The following FAM114A1 variants were observed in gnomAD, a reference collection of about 807,000 sequenced individuals.
The protein encoded by FAM114A1 is protein NOXP20.
In FAM114A1, 62 loss-of-function variants were observed where a neutral mutation model predicts 64.3. The ratio of observed to expected loss-of-function variants is 0.96; its 90% CI spans 0.79 to 1.19. The LOEUF (loss-of-function observed/expected upper bound fraction) is 1.19, where lower values mean the gene tolerates loss of function less well. FAM114A1 is among the 50% of genes most tolerant of loss of function. The pLI, the probability that FAM114A1 is intolerant of heterozygous loss-of-function variation, is 0.00. For missense variants in FAM114A1, 645 were observed against 676.3 expected, an observed-to-expected ratio of 0.95 and a Z score of 0.51; for synonymous variants, 254 against 251.1, an observed-to-expected ratio of 1.01 and a Z score of -0.11.
At chr4:38,874,051 A>G (rs1372405862) in intron 2 of FAM114A1, among the ~76,000 whole-genome samples, 1 of 152,228 alleles carries the variant, frequency 6.6e-6, no homozygotes, top group African/African-American at 2.4e-5. Context: ...CTCAATAAAG[A>G]GCCTCTAGGA....
intron 4 of FAM114A1, among the ~76,000 whole-genome samples, chr4:38,897,252 G>T (rs1351909914): frequency 6.6e-6 from 1 of 152,160 alleles, no homozygotes; most frequent in African/African-American, 2.4e-5. Flanking sequence ...AAACGTGGGT[G>T]AAAAAACTGG....
intron 13 of FAM114A1, 139 bp downstream of exon 13, chr4:38,935,929 G>T (rs1721045464): frequency 3.1e-6 from 2 of 647,692 alleles, no homozygotes; most frequent in Admixed American, 5.9e-5. Context: ...CAGGCCAAGA[G>T]TAACTTCTCT....
At chr4:38,908,840 A>C in intron 7 of FAM114A1, 114 bp downstream of exon 7, 1 of 1,096,596 alleles carries the variant, frequency 9.1e-7, no homozygotes, top group South Asian at 2.2e-5. Context: ...AATGACACCA[A>C]AGAGCAGAGA....
rs1721025597 is a variant in FAM114A1 at position 38,935,737 on chromosome 4, A to C, written c.1483A>C (p.Asn495His). 1.2e-6 allele frequency: 2 copies of C among 1,610,886 alleles called. No homozygotes were observed. Among genetic ancestry groups the C allele is most frequent in the Admixed American group, 3.3e-5 (2 of 59,834 alleles). The change falls in exon 13 of 15, where the codon AAT (asparagine) becomes CAT (histidine). Residue 495 changes from asparagine (N) to histidine (H), a missense_variant. Coordinates refer to ENST00000358869, the MANE Select transcript of FAM114A1 (RefSeq NM_138389.4). ...VLIKLTTAMC[N>H]EVASLSKKFT... ...TTTCAGATTAACTACTGCAATGTGC[A>C]ATGAAGTGGCCTCTTTATCAAAGAA...
In FAM114A1 at chr4:38,878,221, C is replaced by G; in HGVS notation, c.143C>G (p.Pro48Arg). The G allele has an allele frequency of 6.2e-7, 1 of 1,614,204 alleles. No individual in the cohort carries two copies. Among genetic ancestry groups the G allele is most frequent in the African/African-American group, 1.3e-5 (1 of 75,054 alleles). Residue 48 changes from proline (P) to arginine (R), a missense_variant, in exon 3 of 15, where the codon CCC (proline) becomes CGC (arginine). Transcript: ENST00000358869. The part of the protein sequence containing the change: ...AVSHEPTPAD[P>R]RGEGHENAAV... ...TCACATGAGCCAACACCAGCTGACC[C>G]CAGAGGGGAGGGGCATGAAAATGCA...
intron 3 of FAM114A1, among the ~76,000 whole-genome samples, chr4:38,889,707 A>G (rs767834810): frequency 3.2e-4 from 48 of 152,134 alleles, no homozygotes; most frequent in Non-Finnish European, 6.9e-4. Flanking sequence ...AACTTCCATA[A>G]CTCAGTCTCA....
At chr4:38,930,425 T>G (rs1029550598) in intron 10 of FAM114A1, among the ~76,000 whole-genome samples, 2 of 152,096 alleles carry the variant, frequency 1.3e-5, no homozygotes, top group African/African-American at 4.8e-5. Context: ...TTCTGGCAGG[T>G]CAGTGACTTG....
intron 3 of FAM114A1, among the ~76,000 whole-genome samples, chr4:38,887,322 C>A (rs1158271557): frequency 6.6e-6 from 1 of 152,226 alleles, no homozygotes; most frequent in Non-Finnish European, 1.5e-5. Context: ...ATCAAACAGT[C>A]ACTTTCAAGG....
In FAM114A1 at chr4:38,944,038, T is replaced by C. The variant is rs946789080; in HGVS notation, c.*481T>C. On this transcript the variant is annotated 3_prime_UTR_variant, in exon 15 of 15. Coordinates refer to ENST00000358869, the MANE Select transcript of FAM114A1 (RefSeq NM_138389.4). ...AACACTACTTATAGATTTTACCTAT[T>C]ATGGTAAAAAATAGGAACATATTGT... The C allele has an allele frequency of 2.6e-5, 4 of 152,214 alleles. No individual in the cohort carries two copies. Among genetic ancestry groups the C allele is most frequent in the African/African-American group, 9.7e-5 (4 of 41,298 alleles). 9.4% of individuals were successfully genotyped at this position (152,214 alleles called of 1,614,324 possible).
chr4:38,941,104 C>A, intron 14 of FAM114A1, 83 bp downstream of exon 14: 1 of 1,249,616 alleles, frequency 8.0e-7, no homozygotes, highest in East Asian at 2.4e-5. Context: ...TTTCTTCCCC[C>A]ACAGCAAATG....
At position 38,908,716 on chromosome 4, in the gene FAM114A1, C is replaced by G; in HGVS notation, c.782C>G (p.Ser261Cys). The part of the protein sequence containing the change: ...RTKTLMERTV[S>C]LSQMLREAKE... Reference sequence around the variant, plus strand: ...AAGACGCTCATGGAGAGAACTGTTTCCTTGTCTCAGGTTGGATTATATACG... The same window carrying G: ...AAGACGCTCATGGAGAGAACTGTTTGCTTGTCTCAGGTTGGATTATATACG... The change falls in exon 7 of 15, where the codon TCC becomes TGC. Residue 261 changes from serine (S) to cysteine (C), a missense_variant. By Grantham distance (112) the Ser-to-Cys change is moderately radical. Transcript: ENST00000358869. 4.4e-6 allele frequency: 7 copies of G among 1,601,332 alleles called. No homozygotes were observed. Among genetic ancestry groups the G allele is most frequent in the Non-Finnish European group, 6.0e-6 (7 of 1,170,666 alleles).
chr4:38,926,540 C>T (rs538565553), intron 9 of FAM114A1, among the ~76,000 whole-genome samples: 3 of 151,774 alleles, frequency 2.0e-5, no homozygotes, highest in African/African-American at 7.3e-5. Flanking sequence ...CTTCAACCTC[C>T]GCCCTCCCGG....
chr4:38,935,547 A>G (rs1220464494), intron 12 of FAM114A1, among the ~76,000 whole-genome samples, 171 bp from the exon 13 acceptor site: 1 of 152,252 alleles, frequency 6.6e-6, no homozygotes, highest in Non-Finnish European at 1.5e-5. Flanking sequence ...ATTGCGAATC[A>G]TGGAAGATGA....
intron 8 of FAM114A1, among the ~76,000 whole-genome samples, chr4:38,915,293 T>A (rs4240248): frequency 2.6e-5 from 4 of 151,740 alleles, no homozygotes; most frequent in Non-Finnish European, 5.9e-5. Context: ...CAAAAAGGCC[T>A]GCACAGTAAG....
rs754808360 is a variant in FAM114A1, at chr4:38,935,708, C to A, written c.1464-10C>A. On this transcript the variant is annotated splice_polypyrimidine_tract_variant and intron_variant, in intron 12 of 14. Coordinates refer to ENST00000358869, the MANE Select transcript of FAM114A1 (RefSeq NM_138389.4). ...AAAACATCCAAGCTTTTTTTTTTTT[C>A]TTCTTTCAGATTAACTACTGCAATG... The A allele has an allele frequency of 6.7e-7, 1 of 1,488,688 alleles. No individual in the cohort carries two copies. Among genetic ancestry groups the A allele is most frequent in the East Asian group, 2.4e-5 (1 of 41,734 alleles). 92.2% of individuals were successfully genotyped at this position (1,488,688 alleles called of 1,614,324 possible).
rs1717924040 is a variant in FAM114A1, at chr4:38,905,640, G to A, written c.550+5G>A. 2 of 1,612,992 alleles carry A rather than the reference G, an allele frequency of 1.2e-6. No individual in the cohort carries two copies. The highest frequency in any genetic ancestry group is 1.1e-5 in the South Asian group (1 of 91,038). The stretch of plus-strand genomic sequence containing the variant: ...CTGAAAACGGAGTCCCTGAAAGTGA[G>A]TGATGTGTCTCCTCTGGGTGTTCTT... On this transcript the variant is annotated splice_donor_5th_base_variant and intron_variant, in intron 5 of 14. Transcript: ENST00000358869.
intron 4 of FAM114A1, among the ~76,000 whole-genome samples, chr4:38,894,440 T>C (rs1262484845): frequency 6.6e-6 from 1 of 152,190 alleles, no homozygotes; most frequent in Non-Finnish European, 1.5e-5. Context: ...TCATGAGCAT[T>C]GTGCCAGTCA....
At chr4:38,877,262 C>T (rs1366365231) in intron 2 of FAM114A1, among the ~76,000 whole-genome samples, 3 of 152,100 alleles carry the variant, frequency 2.0e-5, no homozygotes, top group East Asian at 3.8e-4. Flanking sequence ...ATTATTATTA[C>T]GTTGTAATTT....
chr4:38,895,541 G>A (rs1579325806), intron 4 of FAM114A1, among the ~76,000 whole-genome samples: 1 of 152,176 alleles, frequency 6.6e-6, no homozygotes, highest in Non-Finnish European at 1.5e-5. Flanking sequence ...AATCACAGGG[G>A]TGAAATCCCA....
Sources: gnomAD v4.1 joint callset for allele counts (sites outside exome capture counted in the v4.1 genomes callset) on GRCh38, gnomAD v4.1.1 for gene constraint, MANE v1.5 for transcripts, NCBI Gene and HGNC (gene_info 2026-07-23, HGNC 2026-07-21) for gene names.